The following WWOX variants were observed in gnomAD, a reference collection of about 807,000 sequenced individuals.
The protein encoded by WWOX is WW domain-containing oxidoreductase.
In WWOX, 69 loss-of-function variants were observed where a neutral mutation model predicts 46.2. The ratio of observed to expected loss-of-function variants is 1.49; its 90% CI spans 1.23 to 1.82. WWOX has a LOEUF of 1.82. Among genes scored for constraint, WWOX ranks in the 40% most tolerant of loss-of-function variants. The probability of loss-of-function intolerance (pLI) is 0.00; values close to 1 mark genes in which losing one functional copy is unlikely to be tolerated. For synonymous variants in WWOX, 359 were observed against 202.6 expected (o/e 1.77, Z -6.56); for missense variants, 919 against 542.6 (o/e 1.69, Z -6.89).
At chr16:78,901,268 G>C (rs1410516592) in intron 8 of WWOX, among the ~76,000 whole-genome samples, 1 of 152,182 alleles carries the variant, frequency 6.6e-6, no homozygotes, top group Non-Finnish European at 1.5e-5. Context: ...GTTTGTGGGA[G>C]GACAAAAGAT....
Position 78,341,021 on chromosome 16 carries a change from G to C in WWOX, c.517-45839G>C, listed in dbSNP as rs1467794343. Among the ~76,000 whole-genome samples the C allele has an allele frequency of 1.7e-5, 2 of 119,362 alleles. 1 individual carries two copies. Among genetic ancestry groups the C allele is most frequent in the Non-Finnish European group, 4.0e-5 (2 of 50,274 alleles). 78.3% of individuals were successfully genotyped at this position (119,362 alleles called of 152,430 possible). A position where few individuals can be genotyped will look rare whatever the true frequency, so the allele number is the denominator to read the frequency against. On this transcript the variant is annotated intron_variant, in intron 5 of 8. Transcript: ENST00000566780. The stretch of plus-strand genomic sequence containing the variant: ...AGGTTGTCTTTCAACCCCATTTTCA[G>C]AAGTACCAGGTTCCACATTTTCTGA...
At chr16:79,055,457 G>T (rs994256330) in intron 8 of WWOX, among the ~76,000 whole-genome samples, 1 of 152,092 alleles carries the variant, frequency 6.6e-6, no homozygotes, top group Non-Finnish European at 1.5e-5. Flanking sequence ...GTTGAAGGAA[G>T]CCCAGCTAGC....
intron 5 of WWOX, among the ~76,000 whole-genome samples, chr16:78,354,270 T>G (rs893899463): frequency 6.6e-6 from 1 of 150,706 alleles, no homozygotes; most frequent in Non-Finnish European, 1.5e-5. Context: ...AATCTCTTTT[T>G]GCTTGGCATA....
At chr16:78,908,898 G>C (rs1597136575) in intron 8 of WWOX, among the ~76,000 whole-genome samples, 2 of 152,216 alleles carry the variant, frequency 1.3e-5, no homozygotes, top group African/African-American at 2.4e-5. Context: ...AATTTGGGGA[G>C]GTTCAGAATC....
At chr16:78,937,203 A>T (rs1280879856) in intron 8 of WWOX, among the ~76,000 whole-genome samples, 1 of 152,184 alleles carries the variant, frequency 6.6e-6, no homozygotes, top group East Asian at 1.9e-4. Flanking sequence ...AGGGGAGCAG[A>T]GCAGAAGAGA....
chr16:79,041,821 C>G (rs575688301), intron 8 of WWOX, among the ~76,000 whole-genome samples: 20 of 152,288 alleles, frequency 1.3e-4, no homozygotes, highest in African/African-American at 4.3e-4. Context: ...AAAATTCAGA[C>G]AAACCTAGAA....
intron 3 of WWOX, among the ~76,000 whole-genome samples, chr16:78,111,138 C>T (rs1344414239): frequency 2.6e-5 from 4 of 152,010 alleles, no homozygotes; most frequent in Admixed American, 1.3e-4. Flanking sequence ...TGTGGTCTTC[C>T]TTCCCCTAAG....
intron 8 of WWOX, among the ~76,000 whole-genome samples, chr16:78,940,312 G>C (rs1449661991): frequency 6.6e-6 from 1 of 152,096 alleles, no homozygotes; most frequent in Non-Finnish European, 1.5e-5. Context: ...TGATTTATGA[G>C]TCGTCATTGC....
chr16:78,653,696 C>T (rs2047016815), intron 8 of WWOX, among the ~76,000 whole-genome samples: 1 of 152,210 alleles, frequency 6.6e-6, no homozygotes, highest in African/African-American at 2.4e-5. Context: ...TGCATTGTGG[C>T]ATTTTAGAGC....
intron 8 of WWOX, among the ~76,000 whole-genome samples, chr16:78,760,415 A>G (rs1434561660): frequency 1.3e-5 from 2 of 152,142 alleles, no homozygotes; most frequent in Non-Finnish European, 2.9e-5. Context: ...AAGGTCCTTA[A>G]CTTAATCACA....
chr16:78,927,287 TCCAGCA>T (rs2045520500), intron 8 of WWOX, among the ~76,000 whole-genome samples: 1 of 152,220 alleles, frequency 6.6e-6, no homozygotes, highest in Non-Finnish European at 1.5e-5. Context: ...GACACCGGCC[TCCAGCA>T]GAGCCTGCTC....
intron 8 of WWOX, among the ~76,000 whole-genome samples, chr16:79,024,482 G>A (rs1387754379): frequency 2.0e-5 from 3 of 152,040 alleles, no homozygotes; most frequent in Non-Finnish European, 4.4e-5. Context: ...TGCCCAGGCT[G>A]GAGTGCAGTG....
At chr16:78,708,344 G>A (rs2048369071) in intron 8 of WWOX, among the ~76,000 whole-genome samples, 1 of 152,174 alleles carries the variant, frequency 6.6e-6, no homozygotes, top group African/African-American at 2.4e-5. Flanking sequence ...TGTTGTTTAT[G>A]TGAAACTCAA....
intron 5 of WWOX, among the ~76,000 whole-genome samples, chr16:78,355,076 G>C (rs1035537885): frequency 1.3e-5 from 2 of 151,674 alleles, no homozygotes; most frequent in South Asian, 2.1e-4. Flanking sequence ...AGGTTGCAGT[G>C]AGCTGAGATG....
At position 78,956,012 on chromosome 16, in the gene WWOX, C is replaced by CT. The variant is rs926966202; in HGVS notation, c.1057-255586dup. Among the ~76,000 whole-genome samples the CT allele has an allele frequency of 6.8e-4, 101 of 149,284 alleles. No individual in the cohort carries two copies. In the Middle Eastern group the frequency reaches 0.011, roughly 16 times the overall value. ...AAAACAAAAAAAAACACAAAAAAAACTTTTTTTTTTAGAACTGTTTTAGTT... is the reference window on the plus strand; with the variant it reads ...AAAACAAAAAAAAACACAAAAAAAACTTTTTTTTTTTAGAACTGTTTTAGTT... On this transcript the variant is annotated intron_variant, in intron 8 of 8. Transcript: ENST00000566780.
At chr16:78,222,222 TC>T (rs1314678451) in intron 5 of WWOX, among the ~76,000 whole-genome samples, 1 of 152,084 alleles carries the variant, frequency 6.6e-6, no homozygotes, top group Non-Finnish European at 1.5e-5. Context: ...CTAAGCTGTC[TC>T]CTGGGAAGTT....
chr16:79,039,852 A>G (rs1371960398), intron 8 of WWOX, among the ~76,000 whole-genome samples: 1 of 152,136 alleles, frequency 6.6e-6, no homozygotes, highest in Non-Finnish European at 1.5e-5. Context: ...CATCTCTACC[A>G]GTCAGGAGTT....
rs72796059 is a variant in WWOX, at chr16:78,379,055, C to A, written c.517-7805C>A. Among the ~76,000 whole-genome samples the A allele has an allele frequency of 1.3e-5, 2 of 152,082 alleles. 1 individual carries two copies. The highest frequency in any genetic ancestry group is 1.3e-4 in the Admixed American group (2 of 15,274). ...TGTCTTACTAGCTTGGCCACTGTCA[C>A]GTCACTCAGCCTCTGTTTTCTCATC... On this transcript the variant is annotated intron_variant, in intron 5 of 8. Transcript: ENST00000566780.
chr16:78,905,739 G>C (rs373350018), intron 8 of WWOX, among the ~76,000 whole-genome samples: 4 of 152,100 alleles, frequency 2.6e-5, no homozygotes, highest in Non-Finnish European at 5.9e-5. Context: ...GATATGAGCC[G>C]ATCAAATGTG....
Sources: gnomAD v4.1 joint callset for allele counts (sites outside exome capture counted in the v4.1 genomes callset) on GRCh38, gnomAD v4.1.1 for gene constraint, MANE v1.5 for transcripts, NCBI Gene and HGNC (gene_info 2026-07-23, HGNC 2026-07-21) for gene names.